SNX18: variants seen among roughly 807,000 people sequenced by gnomAD.
SNX18 encodes sorting nexin 18, also known as sorting nexin-18.
SNX18 carries 35 observed loss-of-function variants against 48.7 expected under a neutral mutation model. The observed-to-expected ratio is 0.72, with a 90% CI of 0.55 to 0.95. The LOEUF is 0.95. Ranked by LOEUF, SNX18 falls within the 40% of genes least tolerant of loss-of-function variation. The pLI is 0.00. For missense variants in SNX18, 824 were observed against 871.0 expected (o/e 0.95, Z 0.68); for synonymous variants, 492 against 384.7 (o/e 1.28, Z -3.26).
chr5:54,642,088 C>T, the SNX18 span, among the ~76,000 whole-genome samples: 2 of 152,144 alleles, frequency 1.3e-5, no homozygotes, highest in Non-Finnish European at 2.9e-5. Context: ...TATATGTATT[C>T]GTTGATGCTA....
chr5:54,615,833 C>T, the SNX18 span, among the ~76,000 whole-genome samples: 10 of 152,156 alleles, frequency 6.6e-5, no homozygotes, highest in African/African-American at 2.4e-4. Context: ...TTGTTTCTTA[C>T]AGGTGAAATT....
chr5:54,552,643 G>C, the SNX18 span, among the ~76,000 whole-genome samples: 1 of 152,070 alleles, frequency 6.6e-6, no homozygotes, highest in Non-Finnish European at 1.5e-5. Flanking sequence ...AGACATCCTG[G>C]ACGCTGGGAC....
At chr5:54,532,446 A>G (rs1012365530) in intron 1 of SNX18, among the ~76,000 whole-genome samples, 4 of 150,142 alleles carry the variant, frequency 2.7e-5, no homozygotes, top group African/African-American at 9.8e-5. Flanking sequence ...TTTTACTTTT[A>G]CAAAGTTAGT....
At chr5:54,520,743 C>T (rs1367796033) in intron 1 of SNX18, 2 of 167,134 alleles carry the variant, frequency 1.2e-5, no homozygotes, top group Non-Finnish European at 2.9e-5. Flanking sequence ...CGCTTCCTTC[C>T]TCTCTGCTTC....
intron 1 of SNX18, chr5:54,519,883 G>C: frequency 6.7e-7 from 1 of 1,489,430 alleles, no homozygotes; most frequent in Non-Finnish European, 9.1e-7. Flanking sequence ...CTGTAATCTT[G>C]AGACGAGGGT....
chr5:54,530,976 C>T (rs1762244729), intron 1 of SNX18, among the ~76,000 whole-genome samples: 2 of 152,058 alleles, frequency 1.3e-5, no homozygotes, highest in African/African-American at 2.4e-5. Context: ...TTGTCTCAAA[C>T]TCCTGACCTC....
At chr5:54,630,747 C>T in the SNX18 span, among the ~76,000 whole-genome samples, 309 of 150,586 alleles carry the variant, frequency 2.1e-3, no homozygotes, top group African/African-American at 7.3e-3. Context: ...GGCAGGAGAA[C>T]CGCTTGAATC....
chr5:54,601,384 C>T, the SNX18 span, among the ~76,000 whole-genome samples: 1 of 152,180 alleles, frequency 6.6e-6, no homozygotes, highest in Non-Finnish European at 1.5e-5. Flanking sequence ...ACCAGGCACT[C>T]TGAGGCCCTT....
chr5:54,555,845 A>G, the SNX18 span, among the ~76,000 whole-genome samples: 1 of 151,996 alleles, frequency 6.6e-6, no homozygotes, highest in Non-Finnish European at 1.5e-5. Context: ...AAAAAAGAAA[A>G]AAGAATAAAG....
chr5:54,562,972 A>G, the SNX18 span, among the ~76,000 whole-genome samples: 1 of 152,230 alleles, frequency 6.6e-6, no homozygotes, highest in African/African-American at 2.4e-5. Flanking sequence ...AGTTTTTAAT[A>G]AAACAGTTTA....
the SNX18 span, among the ~76,000 whole-genome samples, chr5:54,581,940 T>C: frequency 1.3e-5 from 2 of 152,266 alleles, no homozygotes; most frequent in Admixed American, 1.3e-4. Context: ...CCTCCCCAGC[T>C]GAGATTTGCT....
intron 1 of SNX18, among the ~76,000 whole-genome samples, chr5:54,522,991 T>A (rs1263215225): frequency 6.6e-6 from 1 of 152,204 alleles, no homozygotes; most frequent in East Asian, 1.9e-4. Flanking sequence ...GACGGTAGTT[T>A]GCTGTAGTCT....
chr5:54,577,339 C>T, the SNX18 span, among the ~76,000 whole-genome samples: 1 of 148,368 alleles, frequency 6.7e-6, no homozygotes, highest in Non-Finnish European at 1.5e-5. Flanking sequence ...AATATCACCT[C>T]TGGCCCACTC....
chr5:54,589,843 T>C, the SNX18 span, among the ~76,000 whole-genome samples: 14 of 152,214 alleles, frequency 9.2e-5, no homozygotes, highest in African/African-American at 3.1e-4. Context: ...ACGTCTTTGT[T>C]TGAGACAGAG....
At chr5:54,642,330 G>A in the SNX18 span, among the ~76,000 whole-genome samples, 142 of 151,760 alleles carry the variant, frequency 9.4e-4, no homozygotes, top group African/African-American at 3.2e-3. Context: ...CCTAGCAAAC[G>A]TGCAGGAATG....
Position 54,519,528 on chromosome 5 carries a change from C to A in SNX18, c.1576C>A (p.Gln526Lys). ...DPVMDLLALY[Q>K]GHLANFPDII... ...CGTCATGGACCTATTAGCGCTGTAT[C>A]AGGGGCATCTGGCTAACTTCCCGGA... Residue 526 changes from glutamine to lysine, a missense_variant, in exon 1 of 2, where the codon CAG becomes AAG. By Grantham distance (53) the Gln-to-Lys change is moderately conservative. Around this residue, in one of 3 missense-constraint regions of SNX18, gnomAD observed 443 missense variants for 503.6 expected, o/e 0.88. Transcript: ENST00000381410. 1 of 1,614,224 alleles carries A rather than the reference C, an allele frequency of 6.2e-7. No homozygotes were observed. The highest frequency in any genetic ancestry group is 8.5e-7 in the Non-Finnish European group (1 of 1,180,036).
chr5:54,543,013 T>C (rs1013539742), intron 1 of SNX18, among the ~76,000 whole-genome samples, 166 bp from the exon 2 acceptor site: 1 of 152,228 alleles, frequency 6.6e-6, no homozygotes, highest in Non-Finnish European at 1.5e-5. Flanking sequence ...ACCAGATTCC[T>C]TCTTTTTTTA....
chr5:54,528,731 T>TG (rs1210904729), intron 1 of SNX18, among the ~76,000 whole-genome samples: 15 of 151,980 alleles, frequency 9.9e-5, no homozygotes, highest in Admixed American at 9.2e-4. Flanking sequence ...TTATGGGCAG[T>TG]GGATAGGAAG....
At chr5:54,553,585 T>C in the SNX18 span, among the ~76,000 whole-genome samples, 2 of 152,254 alleles carry the variant, frequency 1.3e-5, no homozygotes, top group Non-Finnish European at 2.9e-5. Context: ...TTAAGTACTA[T>C]TTTATGAGTT....
Sources: gnomAD v4.1 joint callset for allele counts (sites outside exome capture counted in the v4.1 genomes callset) on GRCh38, gnomAD v4.1.1 for gene constraint, gnomAD v4.1.1 regional missense constraint, MANE v1.5 for transcripts, NCBI Gene and HGNC (gene_info 2026-07-23, HGNC 2026-07-21) for gene names.